Variants in REEP1 observed in about 807,000 individuals in gnomAD.
REEP1 encodes receptor expression-enhancing protein 1.
In REEP1, 22 loss-of-function variants were observed where a neutral mutation model predicts 40.3. The ratio of observed to expected loss-of-function variants is 0.55; its 90% CI spans 0.39 to 0.78. The LOEUF is 0.78. Among genes scored for constraint, REEP1 ranks in the 30% least tolerant of loss-of-function variants. The pLI is 0.00. For missense variants in REEP1, 280 were observed against 361.1 expected (o/e 0.78, Z 1.82); for synonymous variants, 116 against 139.2 (o/e 0.83, Z 1.17).
chr2:86,250,527 G>A (rs533833053), intron 5 of REEP1, among the ~76,000 whole-genome samples: 2 of 152,212 alleles, frequency 1.3e-5, no homozygotes, highest in East Asian at 3.9e-4. Flanking sequence ...ATTGATCTTG[G>A]GAAACCAAAG....
intron 1 of REEP1, among the ~76,000 whole-genome samples, chr2:86,294,768 T>TAGATAGAC (rs1243745865): frequency 6.6e-6 from 1 of 152,166 alleles, no homozygotes; most frequent in Non-Finnish European, 1.5e-5. Flanking sequence ...GATAGATAGA[T>TAGATAGAC]AGGTTTCTAA....
At chr2:86,219,548 C>T (rs546388500) in intron 8 of REEP1, among the ~76,000 whole-genome samples, 29 of 150,964 alleles carry the variant, frequency 1.9e-4, no homozygotes, top group African/African-American at 6.3e-4. Context: ...TGGGTTCAAG[C>T]GAGTCTCCTG....
intron 5 of REEP1, among the ~76,000 whole-genome samples, chr2:86,248,570 C>T (rs1422171694): frequency 6.6e-6 from 1 of 152,144 alleles, no homozygotes; most frequent in East Asian, 1.9e-4. Context: ...CCTGCCTCTG[C>T]CTCCCAGGTA....
intron 1 of REEP1, among the ~76,000 whole-genome samples, chr2:86,312,627 A>T (rs1679815569): frequency 1.3e-5 from 2 of 152,088 alleles, no homozygotes; most frequent in African/African-American, 4.8e-5. Context: ...ACAAAGTGAG[A>T]CCCTGTCTCC....
Position 86,216,331 on chromosome 2 carries a change from C to T in REEP1, c.*708G>A, listed in dbSNP as rs1196945249. 2 of 152,186 alleles carry T rather than the reference C, an allele frequency of 1.3e-5. No individual in the cohort carries two copies. The highest frequency in any genetic ancestry group is 2.9e-5 in the Non-Finnish European group (2 of 68,060). 9.4% of individuals were successfully genotyped at this position (152,186 alleles called of 1,614,324 possible). A position where few individuals can be genotyped will look rare whatever the true frequency, so the allele number is the denominator to read the frequency against. On this transcript the variant is annotated 3_prime_UTR_variant, in exon 9 of 9. Transcript: ENST00000538924. The stretch of plus-strand genomic sequence containing the variant: ...TCCCCTGACCTCTCATCACACTTTA[C>T]TGTGTTGTGAAATATTGTTTCTCTT...
intron 1 of REEP1, among the ~76,000 whole-genome samples, chr2:86,284,171 C>G (rs541820492): frequency 3.3e-5 from 5 of 152,238 alleles, no homozygotes; most frequent in Non-Finnish European, 7.4e-5. Flanking sequence ...TGCCTGCCCC[C>G]TCCTAAGCAT....
At position 86,216,983 on chromosome 2, in the gene REEP1, C is replaced by T; in HGVS notation, c.*56G>A. 1 of 1,473,870 alleles carries T rather than the reference C, an allele frequency of 6.8e-7. No homozygotes were observed. Among genetic ancestry groups the T allele is most frequent in the Non-Finnish European group, 9.5e-7 (1 of 1,053,574 alleles). 91.3% of individuals were successfully genotyped at this position (1,473,870 alleles called of 1,614,324 possible). On this transcript the variant is annotated 3_prime_UTR_variant, in exon 9 of 9. Coordinates refer to ENST00000538924, the MANE Select transcript of REEP1 (RefSeq NM_001371279.1). ...GGATTTCTATGTTATTAGTGAATAG[C>T]TCTTTAAGGCAGAGAAGAAACATTC...
rs1863058 is a variant in REEP1 at position 86,282,144 on chromosome 2, G to A, written c.105+26C>T. ...CACCTGACCTGACTCCAGCCAACCC[G>A]CTCGAAAATACACAGTGCTACTTAC... On this transcript the variant is annotated intron_variant, in intron 2 of 8. Coordinates refer to ENST00000538924, the MANE Select transcript of REEP1 (RefSeq NM_001371279.1). 0.44 allele frequency: 675,828 copies of A among 1,537,364 alleles called. 153,687 individuals carry two copies. Among genetic ancestry groups the A allele is most frequent in the Admixed American group, 0.58 (34,844 of 59,872 alleles).
At chr2:86,235,727 C>A (rs1362023302) in intron 5 of REEP1, among the ~76,000 whole-genome samples, 1 of 152,182 alleles carries the variant, frequency 6.6e-6, no homozygotes, top group Non-Finnish European at 1.5e-5. Context: ...TAGCAAAGTG[C>A]TCCATTCAAC....
chr2:86,325,561 GTAA>G (rs1179038749), intron 1 of REEP1, among the ~76,000 whole-genome samples: 1 of 152,212 alleles, frequency 6.6e-6, no homozygotes, highest in Non-Finnish European at 1.5e-5. Flanking sequence ...GTGATTAAAT[GTAA>G]TCACAAGTGT....
chr2:86,232,546 G>A lies in REEP1; in HGVS notation c.595+79C>T, dbSNP rs1432635601. On this transcript the variant is annotated intron_variant, in intron 6 of 8. Coordinates refer to ENST00000538924, the MANE Select transcript of REEP1 (RefSeq NM_001371279.1). ...CCGTGGGGCCAGGGCCAGGCTGCAT[G>A]CCACACTGCGGACTGGGCCTCTCTC... 3.3e-6 allele frequency: 5 copies of A among 1,531,296 alleles called. No homozygotes were observed. The East Asian group carries it at 6.8e-5, about 21-fold the overall frequency. 94.9% of individuals were successfully genotyped at this position (1,531,296 alleles called of 1,614,324 possible).
chr2:86,253,159 T>C (rs895928111), intron 4 of REEP1, among the ~76,000 whole-genome samples: 2 of 152,118 alleles, frequency 1.3e-5, no homozygotes, highest in Non-Finnish European at 2.9e-5. Flanking sequence ...CACGTGCCTA[T>C]AGTCCCAGCT....
chr2:86,302,973 G>A (rs189163314), intron 1 of REEP1, among the ~76,000 whole-genome samples: 3 of 152,148 alleles, frequency 2.0e-5, no homozygotes, highest in East Asian at 1.9e-4. Flanking sequence ...GTGTAGCTAC[G>A]GTCCACTCGA....
In REEP1 at chr2:86,307,568, G is replaced by A. The variant is rs192329088; in HGVS notation, c.33-25326C>T. 4.2e-4 allele frequency among the ~76,000 whole-genome samples: 64 copies of A among 152,140 alleles called. 1 individual carries two copies. The highest frequency in any genetic ancestry group is 3.5e-3 in the Admixed American group (54 of 15,286). On this transcript the variant is annotated intron_variant, in intron 1 of 8. Coordinates refer to ENST00000538924, the MANE Select transcript of REEP1 (RefSeq NM_001371279.1). Reference sequence around the variant, plus strand: ...ACTTGAGCCCAAACGTTTGAGACCCGCCTGGGCAAGAGTGAGACCCTGTCT... The same window carrying A: ...ACTTGAGCCCAAACGTTTGAGACCCACCTGGGCAAGAGTGAGACCCTGTCT...
intron 2 of REEP1, among the ~76,000 whole-genome samples, chr2:86,277,334 T>C (rs1181838262): frequency 6.6e-6 from 1 of 152,066 alleles, no homozygotes; most frequent in Non-Finnish European, 1.5e-5. Context: ...GGTGTGTGGA[T>C]TGCCTGAGGT....
chr2:86,298,696 C>G (rs902158420), intron 1 of REEP1, among the ~76,000 whole-genome samples: 1 of 152,248 alleles, frequency 6.6e-6, no homozygotes, highest in South Asian at 2.1e-4. Context: ...TTAGTAAACA[C>G]TCAAACAACG....
chr2:86,240,495 G>A (rs11127019), intron 5 of REEP1, among the ~76,000 whole-genome samples: 55,270 of 152,072 alleles, frequency 0.36, 12,133 homozygotes, highest in East Asian at 0.59. Context: ...AGCGGGCGGG[G>A]GAAGGCACGT....
chr2:86,320,009 T>G (rs1035573922), intron 1 of REEP1, among the ~76,000 whole-genome samples: 1 of 152,236 alleles, frequency 6.6e-6, no homozygotes, highest in African/African-American at 2.4e-5. Flanking sequence ...AGACTTCTAG[T>G]CTGCAGAACT....
intron 5 of REEP1, among the ~76,000 whole-genome samples, chr2:86,243,389 T>G (rs1402562132): frequency 6.6e-6 from 1 of 152,200 alleles, no homozygotes; most frequent in African/African-American, 2.4e-5. Flanking sequence ...CTCTTTCCTC[T>G]TGGACCCTTG....
Sources: gnomAD v4.1 joint callset for allele counts (sites outside exome capture counted in the v4.1 genomes callset) on GRCh38, gnomAD v4.1.1 for gene constraint, MANE v1.5 for transcripts, NCBI Gene and HGNC (gene_info 2026-07-23, HGNC 2026-07-21) for gene names.